SHC3: variants seen among roughly 807,000 people sequenced by gnomAD.
The protein encoded by SHC3 is SHC-transforming protein 3.
SHC3 carries 15 observed loss-of-function variants against 60.4 expected under a neutral mutation model. The observed-to-expected ratio is 0.25, with a 90% CI of 0.17 to 0.38. The LOEUF (loss-of-function observed/expected upper bound fraction) is 0.38. Among genes scored for constraint, SHC3 ranks in the 10% least tolerant of loss-of-function variants. SHC3 has a pLI of 1.00. For synonymous variants in SHC3, 294 were observed against 325.9 expected (o/e 0.90, Z 1.05); for missense variants, 677 against 786.1 (o/e 0.86, Z 1.66).
intron 2 of SHC3, among the ~76,000 whole-genome samples, chr9:89,103,526 C>G (rs181207769): frequency 6.6e-6 from 1 of 152,102 alleles, no homozygotes; most frequent in African/African-American, 2.4e-5. Flanking sequence ...CTACTATAGC[C>G]CAGGCCTGGA....
At chr9:89,041,695 A>G (rs749852233) in intron 10 of SHC3, among the ~76,000 whole-genome samples, 24 of 152,276 alleles carry the variant, frequency 1.6e-4, no homozygotes, top group Non-Finnish European at 2.9e-4. Context: ...CTTAGCAACT[A>G]ATACAGTAGC....
At chr9:89,132,591 T>C (rs988109418) in intron 1 of SHC3, among the ~76,000 whole-genome samples, 3 of 152,102 alleles carry the variant, frequency 2.0e-5, no homozygotes, top group Non-Finnish European at 2.9e-5. Flanking sequence ...AACAGAGCTC[T>C]CAGAAATAAT....
At chr9:89,069,163 G>T (rs1423267092) in intron 5 of SHC3, among the ~76,000 whole-genome samples, 2 of 152,080 alleles carry the variant, frequency 1.3e-5, no homozygotes, top group East Asian at 3.9e-4. Context: ...CAAAAAGTTA[G>T]CCAGGCATGG....
At chr9:89,062,383 G>A (rs575318902) in intron 6 of SHC3, among the ~76,000 whole-genome samples, 9 of 152,286 alleles carry the variant, frequency 5.9e-5, no homozygotes, top group South Asian at 2.1e-4. Flanking sequence ...ATCTCTTTGA[G>A]ATGGTGGTGG....
chr9:89,074,468 C>T (rs1166346741), intron 4 of SHC3, among the ~76,000 whole-genome samples: 1 of 151,992 alleles, frequency 6.6e-6, no homozygotes, highest in East Asian at 1.9e-4. Context: ...ATTTTTCCAG[C>T]TAAAGAAATT....
rs1445345927 is a variant in SHC3, at chr9:89,112,583, T to G, written c.518A>C (p.Asp173Ala). The change falls in exon 2 of 12, where the codon GAC becomes GCC. Residue 173 changes from aspartate (D) to alanine (A), a missense_variant. Coordinates refer to ENST00000375835, the MANE Select transcript of SHC3 (RefSeq NM_016848.6). ...GGTAATTTGTGTTCTTGTACTGAAG[T>G]CAAGAGACCTCATTGAGCGCAGAAC... ...IEVLRSMRSL[D>A]FSTRTQITRE... 6.3e-7 allele frequency: 1 copy of G among 1,598,480 alleles called. No individual in the cohort carries two copies. Among genetic ancestry groups the G allele is most frequent in the Non-Finnish European group, 8.5e-7 (1 of 1,173,894 alleles).
At chr9:89,014,502 C>T (rs545759942) in intron 11 of SHC3, among the ~76,000 whole-genome samples, 5 of 152,260 alleles carry the variant, frequency 3.3e-5, no homozygotes, top group South Asian at 2.1e-4. Context: ...GCCACCCTCG[C>T]GGCTATGCTC....
chr9:89,046,820 T>A, intron 8 of SHC3, 24 bp downstream of exon 8: 2 of 1,490,200 alleles, frequency 1.3e-6, no homozygotes, highest in South Asian at 1.5e-5. Context: ...ATTCCTTATA[T>A]AAGAAAAAAA....
At chr9:89,088,304 T>C (rs1480349440) in intron 2 of SHC3, among the ~76,000 whole-genome samples, 2 of 152,244 alleles carry the variant, frequency 1.3e-5, no homozygotes, top group Non-Finnish European at 2.9e-5. Flanking sequence ...AAGCTTCAAG[T>C]TGTCCTGCCT....
intron 1 of SHC3, among the ~76,000 whole-genome samples, chr9:89,132,826 T>C (rs1268490605): frequency 2.6e-5 from 4 of 152,134 alleles, no homozygotes; most frequent in African/African-American, 9.7e-5. Flanking sequence ...ACCTAAGCAA[T>C]ACCATTCAGG....
intron 2 of SHC3, among the ~76,000 whole-genome samples, chr9:89,093,798 C>T (rs1029158898): frequency 6.6e-6 from 1 of 152,224 alleles, no homozygotes; most frequent in South Asian, 2.1e-4. Flanking sequence ...CTCCAATGAA[C>T]AACACACTTA....
intron 11 of SHC3, among the ~76,000 whole-genome samples, chr9:89,024,343 T>C (rs1363097273): frequency 6.6e-6 from 1 of 152,152 alleles, no homozygotes; most frequent in Non-Finnish European, 1.5e-5. Flanking sequence ...AATGGTACGA[T>C]CATAGTTCAC....
intron 2 of SHC3, among the ~76,000 whole-genome samples, chr9:89,086,136 CT>C: frequency 6.6e-6 from 1 of 152,322 alleles, no homozygotes; most frequent in Non-Finnish European, 1.5e-5. Flanking sequence ...CTGTTTTCCT[CT>C]GCTGTCACAC....
intron 1 of SHC3, among the ~76,000 whole-genome samples, chr9:89,153,042 T>C (rs2118221521): frequency 6.6e-6 from 1 of 152,310 alleles, no homozygotes; most frequent in East Asian, 1.9e-4. Context: ...TCTTAGTCTG[T>C]TGATGTTTGC....
chr9:89,041,824 GCT>G (rs1162172026), intron 10 of SHC3, among the ~76,000 whole-genome samples, 200 bp downstream of exon 10: 3 of 152,198 alleles, frequency 2.0e-5, no homozygotes, highest in African/African-American at 7.2e-5. Flanking sequence ...GGGGGAAATT[GCT>G]CTGTCTCTTG....
chr9:89,105,717 T>C (rs1825849198), intron 2 of SHC3, among the ~76,000 whole-genome samples: 1 of 152,156 alleles, frequency 6.6e-6, no homozygotes, highest in African/African-American at 2.4e-5. Flanking sequence ...CCTAGTGTCA[T>C]CCTCATCATC....
At chr9:89,151,132 C>G (rs1174002759) in intron 1 of SHC3, among the ~76,000 whole-genome samples, 1 of 152,098 alleles carries the variant, frequency 6.6e-6, no homozygotes. Flanking sequence ...AATCCTCCCA[C>G]CTCAGCCTCC....
intron 11 of SHC3, among the ~76,000 whole-genome samples, chr9:89,036,968 A>G (rs925165453): frequency 3.3e-5 from 5 of 150,170 alleles, no homozygotes; most frequent in Non-Finnish European, 5.9e-5. Context: ...TATGTTAAAA[A>G]AAAAAAAAAA....
At chr9:89,077,326 G>A (rs1262754499) in intron 3 of SHC3, among the ~76,000 whole-genome samples, 1 of 152,122 alleles carries the variant, frequency 6.6e-6, no homozygotes, top group Non-Finnish European at 1.5e-5. Flanking sequence ...ACAACCATGA[G>A]CTACTACATA....
Sources: allele counts gnomAD v4.1 joint callset (sites outside exome capture counted in the v4.1 genomes callset), GRCh38; gene constraint gnomAD v4.1.1; transcripts MANE v1.5; gene names NCBI Gene and HGNC (gene_info 2026-07-23, HGNC 2026-07-21).